Variants in RMDN2 observed in about 807,000 individuals in gnomAD.
RMDN2 encodes regulator of microtubule dynamics protein 2.
In RMDN2, 61 loss-of-function variants were observed where a neutral mutation model predicts 52.8. The ratio of observed to expected loss-of-function variants is 1.16; its 90% CI spans 0.94 to 1.43. The LOEUF is 1.43. Among genes scored for constraint, RMDN2 ranks in the 40% most tolerant of loss-of-function variants. The probability of loss-of-function intolerance (pLI) is 0.00; values close to 1 mark genes in which losing one functional copy is unlikely to be tolerated. For synonymous variants in RMDN2, 180 were observed against 153.1 expected, an observed-to-expected ratio of 1.18 and a Z score of -1.30; for missense variants, 592 against 475.3, an observed-to-expected ratio of 1.25 and a Z score of -2.28.
At chr2:37,993,266 C>G (rs538690873) in intron 7 of RMDN2, among the ~76,000 whole-genome samples, 1 of 152,206 alleles carries the variant, frequency 6.6e-6, no homozygotes, top group South Asian at 2.1e-4. Context: ...AACTAGTAAG[C>G]TCTACTGCCT....
At chr2:38,006,717 C>T (rs1677143990) in intron 10 of RMDN2, among the ~76,000 whole-genome samples, 1 of 152,110 alleles carries the variant, frequency 6.6e-6, no homozygotes, top group East Asian at 1.9e-4. Flanking sequence ...GCCTGATTGC[C>T]CTGGCCAGTA....
intron 8 of RMDN2, among the ~76,000 whole-genome samples, chr2:38,003,518 A>G (rs1029616490): frequency 4.6e-5 from 7 of 150,970 alleles, no homozygotes. Flanking sequence ...GCGCCACTGC[A>G]CTCCAGCCTG....
chr2:37,968,597 T>G (rs973626169), intron 2 of RMDN2, among the ~76,000 whole-genome samples: 4 of 152,204 alleles, frequency 2.6e-5, no homozygotes, highest in African/African-American at 9.6e-5. Flanking sequence ...CCCAAAATAA[T>G]GCAACTCTGC....
intron 2 of RMDN2, among the ~76,000 whole-genome samples, chr2:37,935,786 T>A (rs765358724): frequency 6.6e-6 from 1 of 152,208 alleles, no homozygotes; most frequent in African/African-American, 2.4e-5. Context: ...CATATTGATA[T>A]GTATATATAT....
intron 2 of RMDN2, among the ~76,000 whole-genome samples, chr2:37,934,546 T>G (rs1365488978): frequency 6.6e-6 from 1 of 152,002 alleles, no homozygotes; most frequent in East Asian, 1.9e-4. Context: ...TTATTTATAT[T>G]TTATTTTTTA....
intron 2 of RMDN2, among the ~76,000 whole-genome samples, chr2:37,955,949 T>C (rs902830532): frequency 4.2e-4 from 52 of 122,618 alleles, no homozygotes; most frequent in Non-Finnish European, 7.9e-4. Flanking sequence ...GAATTCTGTT[T>C]GCTGTTATTT....
At chr2:38,011,073 G>T (rs558551782) in intron 10 of RMDN2, among the ~76,000 whole-genome samples, 2 of 152,170 alleles carry the variant, frequency 1.3e-5, no homozygotes, top group Non-Finnish European at 2.9e-5. Context: ...GGGAGCTGGA[G>T]ATTAACTATG....
At chr2:38,011,104 C>T (rs1311466922) in intron 10 of RMDN2, among the ~76,000 whole-genome samples, 2 of 152,184 alleles carry the variant, frequency 1.3e-5, no homozygotes, top group African/African-American at 4.8e-5. Context: ...ACAAGCTAGA[C>T]AGGTGGCCCA....
At chr2:38,049,605 C>A (rs1358074576) in intron 10 of RMDN2, among the ~76,000 whole-genome samples, 3 of 152,180 alleles carry the variant, frequency 2.0e-5, no homozygotes, top group Non-Finnish European at 4.4e-5. Flanking sequence ...CAAGGTCTCA[C>A]TCTGTCATCC....
At chr2:37,962,659 C>A (rs116431936) in intron 2 of RMDN2, among the ~76,000 whole-genome samples, 2 of 152,134 alleles carry the variant, frequency 1.3e-5, no homozygotes, top group African/African-American at 2.4e-5. Context: ...AGCAACAACA[C>A]CTGACTCCCT....
intron 10 of RMDN2, among the ~76,000 whole-genome samples, chr2:38,053,631 T>C (rs1312424071): frequency 6.6e-6 from 1 of 152,220 alleles, no homozygotes; most frequent in Non-Finnish European, 1.5e-5. Context: ...TTAACTGTAA[T>C]AAAATGCATT....
At chr2:38,000,410 A>G (rs1313653104) in intron 8 of RMDN2, among the ~76,000 whole-genome samples, 3 of 152,206 alleles carry the variant, frequency 2.0e-5, no homozygotes, top group Non-Finnish European at 2.9e-5. Flanking sequence ...TGACAAACTT[A>G]TATACCTATG....
At chr2:38,051,662 C>A (rs1323846500) in intron 10 of RMDN2, among the ~76,000 whole-genome samples, 1 of 152,172 alleles carries the variant, frequency 6.6e-6, no homozygotes, top group Admixed American at 6.5e-5. Flanking sequence ...CATTAACCAA[C>A]CTCTCTTCAT....
chr2:38,019,365 A>G (rs560980079), downstream of RMDN2, among the ~76,000 whole-genome samples: 1 of 152,336 alleles, frequency 6.6e-6, no homozygotes, highest in African/African-American at 2.4e-5. Context: ...GTGTTCATGT[A>G]TTATATTTTA....
At position 37,951,413 on chromosome 2, in the gene RMDN2, T is replaced by C. The variant is rs747397759; in HGVS notation, c.452+21684T>C. The C allele has an allele frequency of 2.0e-5, 33 of 1,612,930 alleles. 1 individual carries two copies. The South Asian group carries it at 3.6e-4, about 18-fold the overall frequency. On this transcript the variant is annotated intron_variant, in intron 2 of 10. Transcript: ENST00000354545. The stretch of plus-strand genomic sequence containing the variant: ...CCAAAGCAAGTAGAAGGTTATTATC[T>C]GTATCAAGTCCATCTTTCTCTGAAA...
At chr2:37,971,523 A>C (rs1200183096) in intron 2 of RMDN2, among the ~76,000 whole-genome samples, 1 of 152,158 alleles carries the variant, frequency 6.6e-6, no homozygotes, top group African/African-American at 2.4e-5. Flanking sequence ...ACATTTTCTT[A>C]AACTATCCAG....
intron 10 of RMDN2, among the ~76,000 whole-genome samples, chr2:38,045,823 C>A (rs1263071918): frequency 6.6e-6 from 1 of 152,216 alleles, no homozygotes; most frequent in South Asian, 2.1e-4. Context: ...ACAATTGATG[C>A]TGCAGACTTG....
At chr2:37,952,515 C>T in intron 2 of RMDN2, 1 of 433,840 alleles carries the variant, frequency 2.3e-6, no homozygotes, top group Non-Finnish European at 4.1e-6. Context: ...CTGAAAATAA[C>T]ATCAAGCCTT....
chr2:37,990,850 A>G (rs1388948553), intron 6 of RMDN2, among the ~76,000 whole-genome samples: 1 of 152,010 alleles, frequency 6.6e-6, no homozygotes, highest in Non-Finnish European at 1.5e-5. Context: ...TAACTCTGCT[A>G]TTTTTTCTGC....
Sources: allele counts gnomAD v4.1 joint callset (sites outside exome capture counted in the v4.1 genomes callset), GRCh38; gene constraint gnomAD v4.1.1; transcripts MANE v1.5; gene names NCBI Gene and HGNC (gene_info 2026-07-23, HGNC 2026-07-21).